Variants in MYRFL observed in about 807,000 individuals in gnomAD.
MYRFL encodes myelin regulatory factor like.
A neutral mutation model predicts 109.4 loss-of-function variants in MYRFL; 88 were observed. That is an observed-to-expected ratio of 0.80 (90% CI 0.68 to 0.96). MYRFL has a LOEUF of 0.96. Among genes scored for constraint, MYRFL ranks in the 40% least tolerant of loss-of-function variants. MYRFL has a pLI of 0.00. For missense variants in MYRFL, 957 were observed against 954.9 expected, an observed-to-expected ratio of 1.00 and a Z score of -0.03; for synonymous variants, 324 against 320.9, an observed-to-expected ratio of 1.01 and a Z score of -0.10.
chr12:69,829,214 C>T (rs989170720), intron 1 of MYRFL, among the ~76,000 whole-genome samples: 1 of 152,058 alleles, frequency 6.6e-6, no homozygotes, highest in African/African-American at 2.4e-5. Flanking sequence ...GTTCAGGAAA[C>T]TGCCATCAAA....
intron 2 of MYRFL, among the ~76,000 whole-genome samples, chr12:69,856,496 C>T (rs1884292804): frequency 6.6e-6 from 1 of 151,986 alleles, no homozygotes; most frequent in Non-Finnish European, 1.5e-5. Flanking sequence ...AGTGGTGGTA[C>T]CACTTTGTGT....
At chr12:69,868,788 C>G (rs918644181) in intron 2 of MYRFL, among the ~76,000 whole-genome samples, 1 of 152,234 alleles carries the variant, frequency 6.6e-6, no homozygotes, top group African/African-American at 2.4e-5. Context: ...TTATTGAGTG[C>G]CTGTCACAGT....
intron 1 of MYRFL, among the ~76,000 whole-genome samples, chr12:69,850,372 T>A (rs1883811209): frequency 6.6e-6 from 1 of 151,726 alleles, no homozygotes. Flanking sequence ...AAATTTAATA[T>A]AAAATATTAA....
At chr12:69,937,211 G>A (rs1000473509) in intron 19 of MYRFL, among the ~76,000 whole-genome samples, 1 of 152,068 alleles carries the variant, frequency 6.6e-6, no homozygotes, top group African/African-American at 2.4e-5. Context: ...ATCAAGGGCT[G>A]CAAGTGTAAT....
intron 2 of MYRFL, among the ~76,000 whole-genome samples, chr12:69,872,248 T>C (rs1885396791): frequency 6.6e-6 from 1 of 152,234 alleles, no homozygotes; most frequent in African/African-American, 2.4e-5. Context: ...ACTTTTGACT[T>C]ATCTGTGTCT....
chr12:69,948,068 T>C (rs1228244817), intron 19 of MYRFL, among the ~76,000 whole-genome samples: 2 of 152,162 alleles, frequency 1.3e-5, no homozygotes, highest in African/African-American at 2.4e-5. Context: ...ATGAAGCTTA[T>C]AATGAATATC....
chr12:69,876,421 TTCTC>T (rs1284749163), intron 2 of MYRFL, among the ~76,000 whole-genome samples: 2 of 152,184 alleles, frequency 1.3e-5, no homozygotes, highest in Non-Finnish European at 2.9e-5. Context: ...TTTGTACTGT[TTCTC>T]TGTGGGAGGG....
At position 69,957,958 on chromosome 12, in the gene MYRFL, T is replaced by A; in HGVS notation, c.2571+16T>A. 1 of 1,525,958 alleles carries A rather than the reference T, an allele frequency of 6.6e-7. No homozygotes were observed. Among genetic ancestry groups the A allele is most frequent in the Non-Finnish European group, 8.8e-7 (1 of 1,138,968 alleles). 94.5% of individuals were successfully genotyped at this position (1,525,958 alleles called of 1,614,324 possible). ...GATGACACAGGTAATGTTTTCTGCC[T>A]CCTCTCTTCCCCGCTGAGAGAGGGA... is the stretch of plus-strand genomic sequence containing the variant. On this transcript the variant is annotated intron_variant, in intron 23 of 24. Transcript: ENST00000552032.
chr12:69,949,244 TA>T (rs11301848), intron 19 of MYRFL, among the ~76,000 whole-genome samples: 38,911 of 145,012 alleles, frequency 0.27, 5,528 homozygotes, highest in East Asian at 0.49. Context: ...ATCTGCAAAT[TA>T]AAAAAAAAAA....
chr12:69,855,105 T>G (rs1362342187), intron 1 of MYRFL, among the ~76,000 whole-genome samples, 175 bp from the exon 2 acceptor site: 1 of 152,224 alleles, frequency 6.6e-6, no homozygotes, highest in Non-Finnish European at 1.5e-5. Flanking sequence ...CCATCCATCC[T>G]TCCATCCATC....
chr12:69,844,793 G>T (rs374010374), intron 1 of MYRFL, among the ~76,000 whole-genome samples: 18 of 152,072 alleles, frequency 1.2e-4, no homozygotes, highest in African/African-American at 4.3e-4. Context: ...TCTTTTGCTT[G>T]GCTCAGAGTG....
At chr12:69,919,519 G>GT (rs1372255007) in intron 13 of MYRFL, among the ~76,000 whole-genome samples, 23 of 152,300 alleles carry the variant, frequency 1.5e-4, no homozygotes, top group African/African-American at 5.1e-4. Flanking sequence ...AGGGAAGTCT[G>GT]TCCTCCAGAG....
chr12:69,848,885 A>T (rs572264475), intron 1 of MYRFL, among the ~76,000 whole-genome samples: 22 of 152,164 alleles, frequency 1.4e-4, no homozygotes, highest in African/African-American at 5.3e-4. Flanking sequence ...TTTGTTATTG[A>T]TTATTGAGAC....
At chr12:69,936,079 T>G (rs1221373819) in intron 16 of MYRFL, 34 bp from the exon 17 acceptor site, 19 of 389,546 alleles carry the variant, frequency 4.9e-5, no homozygotes, top group South Asian at 5.4e-5. Context: ...CCACATAATG[T>G]TTTTTTTTTT....
chr12:69,853,917 G>C (rs1884090379), intron 1 of MYRFL, among the ~76,000 whole-genome samples: 1 of 152,156 alleles, frequency 6.6e-6, no homozygotes, highest in African/African-American at 2.4e-5. Context: ...CGGCCAGGCA[G>C]AGATGCTCCT....
intron 2 of MYRFL, among the ~76,000 whole-genome samples, chr12:69,861,306 C>A (rs1384423130): frequency 3.3e-5 from 5 of 151,986 alleles, no homozygotes; most frequent in African/African-American, 1.2e-4. Context: ...AGTTCTAGAT[C>A]CCTGAGGAAT....
At position 69,890,953 on chromosome 12, in the gene MYRFL, T is replaced by C; in HGVS notation, c.708-18T>C. 7.0e-7 allele frequency: 1 copy of C among 1,429,156 alleles called. No individual in the cohort carries two copies. The highest frequency in any genetic ancestry group is 2.5e-5 in the East Asian group (1 of 39,398). The allele number at this position is 1,429,156 out of a possible 1,614,324, so 88.5% of individuals were successfully genotyped here. ...GGAAACATTTGTAAAACTGGTTTCT[T>C]GGTTTCTCTTTTCATAGACCTGATG... On this transcript the variant is annotated intron_variant, in intron 6 of 24. Transcript: ENST00000552032.
chr12:69,855,511 CA>C (rs1338057559), intron 2 of MYRFL, 141 bp downstream of exon 2: 2 of 546,544 alleles, frequency 3.7e-6, no homozygotes. Context: ...GGATCTTTGA[CA>C]AATATCACCA....
intron 11 of MYRFL, among the ~76,000 whole-genome samples, chr12:69,907,525 T>C (rs1376802800): frequency 6.6e-6 from 1 of 152,040 alleles, no homozygotes; most frequent in Non-Finnish European, 1.5e-5. Context: ...GGATTGGGCA[T>C]AGGACTCACA....
Sources: allele counts gnomAD v4.1 joint callset (sites outside exome capture counted in the v4.1 genomes callset), GRCh38; gene constraint gnomAD v4.1.1; transcripts MANE v1.5; gene names NCBI Gene and HGNC (gene_info 2026-07-23, HGNC 2026-07-21).